RALGPS2: variants seen among roughly 807,000 people sequenced by gnomAD.
The protein encoded by RALGPS2 is ras-specific guanine nucleotide-releasing factor RalGPS2.
A neutral mutation model predicts 86.8 loss-of-function variants in RALGPS2; 43 were observed. That is an observed-to-expected ratio of 0.50 (90% CI 0.39 to 0.64). The LOEUF (loss-of-function observed/expected upper bound fraction) is 0.64, where lower values mean the gene tolerates loss of function less well. RALGPS2 is among the 30% of genes least tolerant of loss of function. RALGPS2 has a pLI of 0.00. For synonymous variants in RALGPS2, 243 were observed against 231.3 expected, an observed-to-expected ratio of 1.05 and a Z score of -0.46; for missense variants, 536 against 694.6, an observed-to-expected ratio of 0.77 and a Z score of 2.57.
intron 1 of RALGPS2, among the ~76,000 whole-genome samples, chr1:178,741,709 ATACTT>A (rs1176806252): frequency 1.3e-5 from 2 of 152,250 alleles, no homozygotes; most frequent in Non-Finnish European, 2.9e-5. Context: ...ATTAGAAACT[ATACTT>A]ACTTATTCAG....
chr1:178,848,586 T>G (rs943082827), intron 8 of RALGPS2, among the ~76,000 whole-genome samples: 6 of 152,200 alleles, frequency 3.9e-5, no homozygotes, highest in Admixed American at 3.3e-4. Context: ...CTATAACAGC[T>G]GTCATGGCTT....
At chr1:178,739,503 A>G (rs1650903606) in intron 1 of RALGPS2, among the ~76,000 whole-genome samples, 1 of 152,188 alleles carries the variant, frequency 6.6e-6, no homozygotes, top group Non-Finnish European at 1.5e-5. Flanking sequence ...CTGATTGTTG[A>G]AACAGCATGA....
At chr1:178,843,689 GA>G (rs1030899772) in intron 8 of RALGPS2, among the ~76,000 whole-genome samples, 6 of 146,970 alleles carry the variant, frequency 4.1e-5, no homozygotes, top group Admixed American at 1.4e-4. Context: ...ACCAAAAAGG[GA>G]AAAAAAAACA....
chr1:178,728,108 G>T (rs1203063186), intron 1 of RALGPS2, among the ~76,000 whole-genome samples: 1 of 152,094 alleles, frequency 6.6e-6, no homozygotes, highest in Non-Finnish European at 1.5e-5. Context: ...TAGTTTACAT[G>T]TGGTTAGACA....
intron 1 of RALGPS2, among the ~76,000 whole-genome samples, chr1:178,770,194 T>C (rs114338724): frequency 0.021 from 3,261 of 152,096 alleles, 42 homozygotes; most frequent in Middle Eastern, 0.048. Flanking sequence ...TTTTTTGTTT[T>C]TGTTTTTAGA....
At chr1:178,848,267 T>C (rs113698157) in intron 8 of RALGPS2, among the ~76,000 whole-genome samples, 3,732 of 152,080 alleles carry the variant, frequency 0.025, 150 homozygotes, top group African/African-American at 0.085. Flanking sequence ...GCTAAGATCA[T>C]GCCACTGCAC....
At chr1:178,789,657 A>G (rs1400030946) in intron 4 of RALGPS2, among the ~76,000 whole-genome samples, 2 of 152,196 alleles carry the variant, frequency 1.3e-5, no homozygotes, top group African/African-American at 4.8e-5. Context: ...CAGTCTAGAA[A>G]TAATAAGTTT....
intron 1 of RALGPS2, among the ~76,000 whole-genome samples, chr1:178,750,773 C>T (rs900752826): frequency 6.6e-6 from 1 of 152,180 alleles, no homozygotes; most frequent in Non-Finnish European, 1.5e-5. Context: ...CATATGTTAC[C>T]TAAGCTACCT....
intron 7 of RALGPS2, among the ~76,000 whole-genome samples, chr1:178,822,348 A>G (rs1164768200): frequency 6.6e-6 from 1 of 152,010 alleles, no homozygotes; most frequent in African/African-American, 2.4e-5. Flanking sequence ...AGTTTATATA[A>G]GTAAAATTTT....
chr1:178,750,448 G>A (rs1651589125), intron 1 of RALGPS2, among the ~76,000 whole-genome samples: 1 of 152,210 alleles, frequency 6.6e-6, no homozygotes, highest in African/African-American at 2.4e-5. Flanking sequence ...ATTTTCCAGT[G>A]GTGGCTCATT....
rs531495155 is a variant in RALGPS2, at chr1:178,812,740, A to T, written c.387+1336A>T. 2.6e-5 allele frequency among the ~76,000 whole-genome samples: 4 copies of T among 152,300 alleles called. No homozygotes were observed. In the East Asian group the frequency reaches 7.7e-4, roughly 29 times the overall value. On this transcript the variant is annotated intron_variant, in intron 6 of 19. Transcript: ENST00000367635. ...TGTGAATGAAAGAAGGCAGAATAAA[A>T]TGAGGATATCATGTTTACAGTTATT...
rs570114301 is a variant in RALGPS2, at chr1:178,747,049, C to T, written c.-84+21630C>T. 1.6e-5 allele frequency: 14 copies of T among 872,530 alleles called. No homozygotes were observed. In the East Asian group the frequency reaches 2.9e-4, roughly 18 times the overall value. The allele number at this position is 872,530 out of a possible 1,614,324, so 54.0% of individuals were successfully genotyped here. ...TTCTGTTATAGCCATGTATGAGAATCTCAGTTGATCTGGGGTCTGAGATAA... is the reference window on the plus strand; with the variant it reads ...TTCTGTTATAGCCATGTATGAGAATTTCAGTTGATCTGGGGTCTGAGATAA... On this transcript the variant is annotated intron_variant, in intron 1 of 19. Transcript: ENST00000367635.
In RALGPS2 at chr1:178,852,907, T is replaced by TGA. The variant is rs1558150241; in HGVS notation, c.607+19357_607+19358insGA. 1.9e-6 allele frequency: 3 copies of TGA among 1,613,594 alleles called. No individual in the cohort carries two copies. In the Admixed American group the frequency reaches 5.0e-5, roughly 27 times the overall value. ...ATCTTGATTGCTAAGCATATAGATA[T>TGA]TTTCCAGTCCAAGCCAGTATTCTCC... is the stretch of plus-strand genomic sequence containing the variant. On this transcript the variant is annotated intron_variant, in intron 8 of 19. Coordinates refer to ENST00000367635, the MANE Select transcript of RALGPS2 (RefSeq NM_152663.5).
chr1:178,784,320 C>A, intron 2 of RALGPS2, 98 bp from the exon 3 acceptor site: 1 of 791,520 alleles, frequency 1.3e-6, no homozygotes, highest in Non-Finnish European at 1.9e-6. Flanking sequence ...ATTTGTTAAC[C>A]TACTGTTTTG....
chr1:178,812,363 A>G (rs757356229), intron 6 of RALGPS2, among the ~76,000 whole-genome samples: 1 of 152,178 alleles, frequency 6.6e-6, no homozygotes, highest in Non-Finnish European at 1.5e-5. Context: ...ATCTCAAGGA[A>G]GTATCTCAGA....
At chr1:178,867,290 A>G (rs1383938657) in intron 8 of RALGPS2, among the ~76,000 whole-genome samples, 2 of 152,128 alleles carry the variant, frequency 1.3e-5, no homozygotes, top group Non-Finnish European at 2.9e-5. Context: ...CAGATGGAAA[A>G]CTTGGCATCC....
intron 5 of RALGPS2, among the ~76,000 whole-genome samples, 186 bp downstream of exon 5, chr1:178,808,314 A>G (rs551356068): frequency 6.6e-6 from 1 of 151,984 alleles, no homozygotes; most frequent in Non-Finnish European, 1.5e-5. Context: ...TTGGAACTTG[A>G]CATTCTTTCC....
intron 11 of RALGPS2, 52 bp from the exon 12 acceptor site, chr1:178,885,024 G>T: frequency 6.7e-7 from 1 of 1,483,242 alleles, no homozygotes. Flanking sequence ...TTCTTTCAAG[G>T]GACTGAAAAA....
At chr1:178,830,384 T>C (rs1402496901) in intron 7 of RALGPS2, among the ~76,000 whole-genome samples, 2 of 152,188 alleles carry the variant, frequency 1.3e-5, no homozygotes, top group Non-Finnish European at 2.9e-5. Context: ...TAGACATATC[T>C]ACCAATGAAA....
Sources: gnomAD v4.1 joint callset for allele counts (sites outside exome capture counted in the v4.1 genomes callset) on GRCh38, gnomAD v4.1.1 for gene constraint, MANE v1.5 for transcripts, NCBI Gene and HGNC (gene_info 2026-07-23, HGNC 2026-07-21) for gene names.